Variants in MTMR14 observed in about 807,000 individuals in gnomAD.
The protein encoded by MTMR14 is phosphatidylinositol-3,5-bisphosphate 3-phosphatase MTMR14.
A neutral mutation model predicts 86.3 loss-of-function variants in MTMR14; 48 were observed. The observed-to-expected ratio is 0.56, with a 90% CI of 0.44 to 0.71. MTMR14 has a LOEUF of 0.71. Among genes scored for constraint, MTMR14 ranks in the 30% least tolerant of loss-of-function variants. MTMR14 has a pLI of 0.00. For synonymous variants in MTMR14, 366 were observed against 326.1 expected (o/e 1.12, Z -1.32); for missense variants, 780 against 834.6 (o/e 0.93, Z 0.81).
At chr3:9,668,681 A>G (rs1385596803) in intron 3 of MTMR14, 38 bp from the exon 4 acceptor site, 3 of 1,611,130 alleles carry the variant, frequency 1.9e-6, no homozygotes, top group Admixed American at 1.7e-5. Flanking sequence ...CATGCTTCAG[A>G]AAACCATCTG....
chr3:9,676,845 T>A (rs2075597493), intron 7 of MTMR14, among the ~76,000 whole-genome samples: 1 of 152,176 alleles, frequency 6.6e-6, no homozygotes, highest in Admixed American at 6.5e-5. Context: ...CTTTCCAGTA[T>A]GTTAGGATGT....
intron 6 of MTMR14, among the ~76,000 whole-genome samples, chr3:9,671,817 A>G (rs1302789394): frequency 6.6e-6 from 1 of 152,192 alleles, no homozygotes; most frequent in African/African-American, 2.4e-5. Flanking sequence ...AACTTTTTCC[A>G]AAATTTTGTT....
chr3:9,688,010 G>A (rs563206176), intron 14 of MTMR14, 119 bp downstream of exon 14: 79 of 860,620 alleles, frequency 9.2e-5, no homozygotes, highest in Non-Finnish European at 1.4e-4. Context: ...TTGGGCTGGT[G>A]CTCCCTCCTG....
rs114570558 is a variant in MTMR14 at position 9,653,996 on chromosome 3, T to C, written c.308+227T>C. 1.9e-3 allele frequency: 1,069 copies of C among 570,946 alleles called. 11 individuals are homozygous for C. Among genetic ancestry groups the C allele is most frequent in the African/African-American group, 0.018 (990 of 53,716 alleles). The allele number at this position is 570,946 out of a possible 1,614,324, so 35.4% of individuals were successfully genotyped here. A position where few individuals can be genotyped will look rare whatever the true frequency, so the allele number is the denominator to read the frequency against. Reference sequence around the variant, plus strand: ...CTTGATTGCTGTTTCACTTCCACCCTAGAGCTCATTGTCCTAAGATAGCTG... The same window carrying C: ...CTTGATTGCTGTTTCACTTCCACCCCAGAGCTCATTGTCCTAAGATAGCTG... On this transcript the variant is annotated intron_variant, in intron 2 of 18. Coordinates refer to ENST00000296003, the MANE Select transcript of MTMR14 (RefSeq NM_001077525.3).
At position 9,669,367 on chromosome 3, in the gene MTMR14, A is replaced by C. The variant is rs1158266841; in HGVS notation, c.494-65A>C. 3.2e-6 allele frequency: 5 copies of C among 1,549,124 alleles called. No homozygotes were observed. In the East Asian group the frequency reaches 6.7e-5, roughly 21 times the overall value. On this transcript the variant is annotated intron_variant, in intron 4 of 18. Coordinates refer to ENST00000296003, the MANE Select transcript of MTMR14 (RefSeq NM_001077525.3). ...GGCACTATGGGGAAGGAGGCTGGTG[A>C]GGAGGCCCCTGTGTGGAGCCCTGGG...
rs528536801 is a variant in MTMR14, at chr3:9,649,941, C to T, written c.159+199C>T. On this transcript the variant is annotated intron_variant, in intron 1 of 18. Coordinates refer to ENST00000296003, the MANE Select transcript of MTMR14 (RefSeq NM_001077525.3). ...CAACCATAAAAGGAGGAACTGGGGT[C>T]AGAATGAGCCCAGCAAAGAGGTCCT... Among the ~76,000 whole-genome samples, 26 of 152,046 alleles carry T rather than the reference C, an allele frequency of 1.7e-4. No individual in the cohort carries two copies. In the South Asian group the frequency reaches 2.1e-3, roughly 12 times the overall value.
chr3:9,687,116 C>T (rs1440054067), intron 13 of MTMR14, among the ~76,000 whole-genome samples: 1 of 152,222 alleles, frequency 6.6e-6, no homozygotes, highest in Non-Finnish European at 1.5e-5. Context: ...ATTATTCTCC[C>T]TGCGCCCAAG....
intron 2 of MTMR14, among the ~76,000 whole-genome samples, chr3:9,660,668 C>G (rs2047879907): frequency 6.6e-6 from 1 of 152,162 alleles, no homozygotes; most frequent in African/African-American, 2.4e-5. Flanking sequence ...ATGTGGGAGT[C>G]ACTGATTTCT....
chr3:9,662,633 T>A (rs910426900), intron 3 of MTMR14, among the ~76,000 whole-genome samples: 5 of 151,564 alleles, frequency 3.3e-5, no homozygotes, highest in Non-Finnish European at 5.9e-5. Flanking sequence ...TGACTCTTAT[T>A]TCCTGCCTAT....
intron 13 of MTMR14, among the ~76,000 whole-genome samples, chr3:9,685,724 T>C (rs2075922877): frequency 6.6e-6 from 1 of 152,180 alleles, no homozygotes; most frequent in Non-Finnish European, 1.5e-5. Context: ...CCCTTTCCTC[T>C]GGACCTGCTC....
At chr3:9,697,423 G>A (rs547759127) in intron 17 of MTMR14, among the ~76,000 whole-genome samples, 1 of 152,254 alleles carries the variant, frequency 6.6e-6, no homozygotes, top group African/African-American at 2.4e-5. Flanking sequence ...GGCATGCCCT[G>A]GCCCCAGGCT....
intron 18 of MTMR14, chr3:9,700,746 G>A (rs1559626223): frequency 6.6e-6 from 1 of 152,128 alleles, no homozygotes; most frequent in Non-Finnish European, 1.5e-5. Flanking sequence ...CAGACAGTGG[G>A]TTCTTCCAGG....
At chr3:9,676,372 G>T (rs947372167) in intron 7 of MTMR14, among the ~76,000 whole-genome samples, 1 of 151,840 alleles carries the variant, frequency 6.6e-6, no homozygotes, top group Non-Finnish European at 1.5e-5. Flanking sequence ...GCCACAGCCC[G>T]GGGGGCAAGA....
chr3:9,658,728 AAGCTCT>A (rs1206064929), intron 2 of MTMR14, among the ~76,000 whole-genome samples: 1 of 152,184 alleles, frequency 6.6e-6, no homozygotes, highest in Non-Finnish European at 1.5e-5. Flanking sequence ...ATGTGGGTGT[AAGCTCT>A]ACTTTGTGCC....
chr3:9,667,359 G>A (rs9816328), intron 3 of MTMR14, among the ~76,000 whole-genome samples: 27,850 of 152,086 alleles, frequency 0.18, 4,009 homozygotes, highest in African/African-American at 0.4. Flanking sequence ...GGCTTTTAAC[G>A]GGGTCTGGGA....
intron 1 of MTMR14, chr3:9,650,248 C>T: frequency 2.2e-6 from 1 of 451,060 alleles, no homozygotes; most frequent in Non-Finnish European, 4.5e-6. Context: ...AGCAGGAAGA[C>T]AACCCACACT....
chr3:9,680,887 G>A (rs571400279), intron 9 of MTMR14, among the ~76,000 whole-genome samples: 7 of 152,306 alleles, frequency 4.6e-5, no homozygotes, highest in East Asian at 1.9e-4. Context: ...CTCCAGGTTC[G>A]CACGTGCTGT....
chr3:9,691,878 G>A (rs965392955), intron 17 of MTMR14, among the ~76,000 whole-genome samples: 3 of 152,196 alleles, frequency 2.0e-5, no homozygotes, highest in Non-Finnish European at 2.9e-5. Context: ...GGCTTTGAAA[G>A]GTGTGGGGTG....
intron 13 of MTMR14, among the ~76,000 whole-genome samples, chr3:9,686,639 A>G (rs1298973155): frequency 1.3e-5 from 2 of 152,234 alleles, no homozygotes; most frequent in African/African-American, 4.8e-5. Flanking sequence ...GTCTGTAGTG[A>G]AAACACCTGT....
Sources: gnomAD v4.1 joint callset for allele counts (sites outside exome capture counted in the v4.1 genomes callset) on GRCh38, gnomAD v4.1.1 for gene constraint, MANE v1.5 for transcripts, NCBI Gene and HGNC (gene_info 2026-07-23, HGNC 2026-07-21) for gene names.